Variants in GPSM2 observed in about 807,000 individuals in gnomAD.
The protein encoded by GPSM2 is G protein-signaling modulator 2.
In GPSM2, 58 loss-of-function variants were observed where a neutral mutation model predicts 78.4. The observed-to-expected ratio is 0.74, with a 90% confidence interval of 0.60 to 0.92. The LOEUF (loss-of-function observed/expected upper bound fraction) is 0.92. GPSM2 is among the 40% of genes least tolerant of loss of function. The pLI is 0.00. For synonymous variants in GPSM2, 224 were observed against 280.2 expected, an observed-to-expected ratio of 0.80 and a Z score of 2.00; for missense variants, 700 against 815.5, an observed-to-expected ratio of 0.86 and a Z score of 1.73.
intron 2 of GPSM2, among the ~76,000 whole-genome samples, chr1:108,891,056 G>A (rs1259081652): frequency 6.6e-6 from 1 of 152,168 alleles, no homozygotes; most frequent in South Asian, 2.1e-4. Context: ...GGTTGGAAGA[G>A]TAACGATCAG....
At chr1:108,907,221 G>A (rs989708514) in intron 10 of GPSM2, among the ~76,000 whole-genome samples, 1 of 152,204 alleles carries the variant, frequency 6.6e-6, no homozygotes, top group Non-Finnish European at 1.5e-5. Context: ...TATTTCTGGT[G>A]TTGGCTCAAG....
chr1:108,930,763 C>CCTGTAGTTTCAGCTA lies in GPSM2; in HGVS notation c.*826_*840dup, dbSNP rs1553218540. ...AATTAGCTGGGCATGGTGGCATGCGCCTGTAGTTTCAGCTACTTGGGAGGC... is the reference window on the plus strand; with the variant it reads ...AATTAGCTGGGCATGGTGGCATGCGCCTGTAGTTTCAGCTACTGTAGTTTCAGCTACTTGGGAGGC... On this transcript the variant is annotated 3_prime_UTR_variant, in exon 15 of 15. Coordinates refer to ENST00000264126, the MANE Select transcript of GPSM2 (RefSeq NM_013296.5). 1 of 152,892 alleles carries CCTGTAGTTTCAGCTA rather than the reference C, an allele frequency of 6.5e-6. No individual in the cohort carries two copies. Among genetic ancestry groups the CCTGTAGTTTCAGCTA allele is most frequent in the Non-Finnish European group, 1.5e-5 (1 of 68,666 alleles). 9.5% of individuals were successfully genotyped at this position (152,892 alleles called of 1,614,324 possible).
Position 108,924,288 on chromosome 1 carries a change from C to T in GPSM2, c.1815+74C>T, listed in dbSNP as rs762966655. The stretch of plus-strand genomic sequence containing the variant: ...AAAACATTGGTAGTGTTATAATTCT[C>T]ATTCAGGAAGGGCTTATTTTGTATT... On this transcript the variant is annotated intron_variant, in intron 14 of 14. Transcript: ENST00000264126. 5.5e-5 allele frequency: 51 copies of T among 932,798 alleles called. No individual in the cohort carries two copies. In the Admixed American group the frequency reaches 7.7e-4, roughly 14 times the overall value. 57.8% of individuals were successfully genotyped at this position (932,798 alleles called of 1,614,324 possible).
rs370660749 is a variant in GPSM2 at position 108,926,486 on chromosome 1, A to G, written c.1815+2272A>G. On this transcript the variant is annotated intron_variant, in intron 14 of 14. Coordinates refer to ENST00000264126, the MANE Select transcript of GPSM2 (RefSeq NM_013296.5). ...TATCCTTCATGAATCCAGATGCAAA[A>G]TCAACAAAAGCCTACAATCCAAATT... The G allele has an allele frequency of 5.3e-5, 8 of 152,344 alleles. No individual in the cohort carries two copies. In the East Asian group the frequency reaches 1.5e-3, roughly 29 times the overall value. The allele number at this position is 152,344 out of a possible 1,614,324, so 9.4% of individuals were successfully genotyped here. A position where few individuals can be genotyped will look rare whatever the true frequency, so the allele number is the denominator to read the frequency against.
At chr1:108,904,480 A>G (rs1649080543) in intron 10 of GPSM2, among the ~76,000 whole-genome samples, 1 of 149,184 alleles carries the variant, frequency 6.7e-6, no homozygotes, top group Non-Finnish European at 1.5e-5. Context: ...GTAAAACAAT[A>G]TTTTATAGTT....
rs1040341173 is a variant in GPSM2 at position 108,903,118 on chromosome 1, C to T, written c.954-8C>T. ...ATAACTGCATGTTCGCTTTGAATAA[C>T]GTTTTAGAATTGGTGAAGGAAGAGC... On this transcript the variant is annotated splice_region_variant and splice_polypyrimidine_tract_variant and intron_variant, in intron 8 of 14. Transcript: ENST00000264126. 3.3e-6 allele frequency: 5 copies of T among 1,528,074 alleles called. No individual in the cohort carries two copies. Among genetic ancestry groups the T allele is most frequent in the Middle Eastern group, 1.7e-4 (1 of 5,874 alleles). The allele number at this position is 1,528,074 out of a possible 1,614,324, so 94.7% of individuals were successfully genotyped here.
rs1664415 is a variant in GPSM2 at position 108,931,204 on chromosome 1, G to A, written c.*1264G>A. On this transcript the variant is annotated 3_prime_UTR_variant, in exon 15 of 15. Transcript: ENST00000264126. ...CCCATGTGGTTAGGTCAAGAACCTA[G>A]GACACATAAACAAACAGAAAACAGA... is the stretch of plus-strand genomic sequence containing the variant. 328,789 of 1,184,870 alleles carry A rather than the reference G, an allele frequency of 0.28. 50,330 individuals carry two copies. Among genetic ancestry groups the A allele is most frequent in the African/African-American group, 0.57 (36,988 of 64,582 alleles). 73.4% of individuals were successfully genotyped at this position (1,184,870 alleles called of 1,614,324 possible).
At chr1:108,901,422 CAG>C (rs1648814722) in intron 7 of GPSM2, among the ~76,000 whole-genome samples, 1 of 152,096 alleles carries the variant, frequency 6.6e-6, no homozygotes. Context: ...TGATTGAAAA[CAG>C]ATGTCATGTG....
intron 14 of GPSM2, 103 bp downstream of exon 14, chr1:108,924,317 G>A: frequency 1.3e-6 from 1 of 776,026 alleles, no homozygotes; most frequent in East Asian, 2.7e-5. Flanking sequence ...TTGTATTAGA[G>A]AGTTATTATT....
intron 7 of GPSM2, among the ~76,000 whole-genome samples, chr1:108,899,311 C>A (rs1570905265): frequency 6.6e-6 from 1 of 152,108 alleles, no homozygotes; most frequent in South Asian, 2.1e-4. Context: ...AGTTTTCAAC[C>A]TTTAATATCT....
intron 12 of GPSM2, among the ~76,000 whole-genome samples, chr1:108,921,435 G>T (rs1039942699): frequency 4.9e-4 from 73 of 150,382 alleles, no homozygotes; most frequent in Non-Finnish European, 9.2e-4. Context: ...AAAAAAATCT[G>T]CTACCATGTC....
At position 108,932,984 on chromosome 1, in the gene GPSM2, G is replaced by A. The variant is rs906142486; in HGVS notation, c.*3044G>A. 6 of 152,188 alleles carry A rather than the reference G, an allele frequency of 3.9e-5. 1 individual carries two copies. The South Asian group carries it at 8.3e-4, about 21-fold the overall frequency. The allele number at this position is 152,188 out of a possible 1,614,324, so 9.4% of individuals were successfully genotyped here. On this transcript the variant is annotated 3_prime_UTR_variant, in exon 15 of 15. Coordinates refer to ENST00000264126, the MANE Select transcript of GPSM2 (RefSeq NM_013296.5). Reference sequence around the variant, plus strand: ...CGATCATAACTCACTGCCACCTCACGATCCTCTTGCCTCAGCCCTCCAAGT... The same window carrying A: ...CGATCATAACTCACTGCCACCTCACAATCCTCTTGCCTCAGCCCTCCAAGT...
At chr1:108,883,862 T>A (rs1398219660) in intron 1 of GPSM2, among the ~76,000 whole-genome samples, 9 of 152,204 alleles carry the variant, frequency 5.9e-5, no homozygotes, top group Admixed American at 5.9e-4. Context: ...ATCTGCTTAT[T>A]CTTTCTTTAG....
rs1651911895 is a variant in GPSM2, at chr1:108,931,312, G to C, written c.*1372G>C. ...ATTAAGCTTTGTCTTCCTTATCCCA[G>C]ATATTGAAGGCAGTTTACAAGGGGA... On this transcript the variant is annotated 3_prime_UTR_variant, in exon 15 of 15. Transcript: ENST00000264126. 6.5e-7 allele frequency: 1 copy of C among 1,544,084 alleles called. No individual in the cohort carries two copies.
chr1:108,917,088 T>C (rs527332619), intron 11 of GPSM2, among the ~76,000 whole-genome samples: 2 of 152,358 alleles, frequency 1.3e-5, no homozygotes, highest in South Asian at 4.1e-4. Context: ...CAAATAAATA[T>C]ATAAGGAACA....
At chr1:108,917,609 CACATATATATATATAT>C (rs1557875529) in intron 11 of GPSM2, among the ~76,000 whole-genome samples, 1 of 90,192 alleles carries the variant, frequency 1.1e-5, no homozygotes, top group Non-Finnish European at 2.5e-5. Flanking sequence ...CACACACACA[CACATATATATATATAT>C]ATATATATAT....
intron 12 of GPSM2, among the ~76,000 whole-genome samples, chr1:108,921,955 C>A (rs575168604): frequency 6.6e-6 from 1 of 152,228 alleles, no homozygotes; most frequent in Non-Finnish European, 1.5e-5. Flanking sequence ...GCTCTCCTCA[C>A]AAATATTTTT....
At chr1:108,880,785 G>A (rs2101296013) in intron 1 of GPSM2, among the ~76,000 whole-genome samples, 1 of 152,328 alleles carries the variant, frequency 6.6e-6, no homozygotes, top group African/African-American at 2.4e-5. Flanking sequence ...TATATTTATT[G>A]TCTGATGAAT....
chr1:108,924,260 C>A, intron 14 of GPSM2, 46 bp downstream of exon 14: 1 of 1,105,512 alleles, frequency 9.0e-7, no homozygotes, highest in Non-Finnish European at 1.4e-6. Flanking sequence ...TCAGATACCA[C>A]TGAAAACATT....
Sources: gnomAD v4.1 joint callset for allele counts (sites outside exome capture counted in the v4.1 genomes callset) on GRCh38, gnomAD v4.1.1 for gene constraint, MANE v1.5 for transcripts, NCBI Gene and HGNC (gene_info 2026-07-23, HGNC 2026-07-21) for gene names.